RSPH9: variants seen among roughly 807,000 people sequenced by gnomAD.
The protein encoded by RSPH9 is radial spoke head component 9, also known as radial spoke head protein 9 homolog.
A neutral mutation model predicts 27.0 loss-of-function variants in RSPH9; 27 were observed. The observed-to-expected ratio is 1.00, with a 90% CI of 0.74 to 1.38. The LOEUF (loss-of-function observed/expected upper bound fraction) is 1.38, where lower values mean the gene tolerates loss of function less well. Ranked by LOEUF, RSPH9 falls within the 40% of genes most tolerant of loss-of-function variation. The pLI is 0.00. For missense variants in RSPH9, 347 were observed against 357.4 expected (o/e 0.97, Z 0.24); for synonymous variants, 145 against 147.7 (o/e 0.98, Z 0.13).
At chr6:43,668,583 C>A (rs1247859546) in intron 4 of RSPH9, among the ~76,000 whole-genome samples, 1 of 152,222 alleles carries the variant, frequency 6.6e-6, no homozygotes, top group Non-Finnish European at 1.5e-5. Context: ...CCTGCATTAT[C>A]TACTGGAGGC....
chr6:43,647,389 T>C (rs959885745), intron 1 of RSPH9, among the ~76,000 whole-genome samples: 10 of 152,124 alleles, frequency 6.6e-5, no homozygotes, highest in African/African-American at 9.7e-5. Context: ...GAAAGTGTGG[T>C]GAGCACTGTG....
At chr6:43,660,985 A>T (rs1490008224) in intron 4 of RSPH9, among the ~76,000 whole-genome samples, 1 of 152,182 alleles carries the variant, frequency 6.6e-6, no homozygotes, top group Admixed American at 6.5e-5. Context: ...ATCTCGTTGT[A>T]CATCTCCATC....
Position 43,645,165 on chromosome 6 carries a change from G to T in RSPH9, c.67G>T (p.Asp23Tyr). The T allele has an allele frequency of 1.2e-6, 2 of 1,613,682 alleles. No homozygotes were observed. Among genetic ancestry groups the T allele is most frequent in the South Asian group, 1.1e-5 (1 of 91,086 alleles). The change falls in exon 1 of 5, where the codon GAC becomes TAC. Residue 23 changes from aspartate to tyrosine, a missense_variant. Physicochemically the swap from Asp to Tyr is radical, Grantham distance 160 (BLOSUM62 -3). Transcript: ENST00000372163. ...ASGSGQGLSP[D>Y]RRASLLTSLM... ...CGGCAGTGGGCAGGGCCTCAGCCCGGACCGTCGGGCCTCGCTGCTCACGTC... is the reference window on the plus strand; with the variant it reads ...CGGCAGTGGGCAGGGCCTCAGCCCGTACCGTCGGGCCTCGCTGCTCACGTC...
chr6:43,655,500 C>A, intron 2 of RSPH9, 62 bp from the exon 3 acceptor site: 3 of 1,604,398 alleles, frequency 1.9e-6, no homozygotes, highest in South Asian at 1.1e-5. Context: ...TGCAGAGGGA[C>A]CTTGCGCCGG....
chr6:43,669,044 C>T (rs1773432598), intron 4 of RSPH9, among the ~76,000 whole-genome samples: 1 of 152,164 alleles, frequency 6.6e-6, no homozygotes, highest in South Asian at 2.1e-4. Flanking sequence ...CTCTCAAACT[C>T]TGAGGGCAGG....
rs752207744 is a variant in RSPH9 at position 43,645,161 on chromosome 6, C to A, written c.63C>A (p.Ser21Arg). Residue 21 changes from serine to arginine, a missense_variant, in exon 1 of 5, where the codon AGC becomes AGA. By Grantham distance (110) the Ser-to-Arg change is moderately radical (BLOSUM62 -1). Coordinates refer to ENST00000372163, the MANE Select transcript of RSPH9 (RefSeq NM_152732.5). ...ELASGSGQGL[S>R]PDRRASLLTS... is the part of the protein sequence containing the mutation. Reference sequence around the variant, plus strand: ...CGTCCGGCAGTGGGCAGGGCCTCAGCCCGGACCGTCGGGCCTCGCTGCTCA... The same window carrying A: ...CGTCCGGCAGTGGGCAGGGCCTCAGACCGGACCGTCGGGCCTCGCTGCTCA... 8 of 1,613,500 alleles carry A rather than the reference C, an allele frequency of 5.0e-6. No homozygotes were observed. Among genetic ancestry groups the A allele is most frequent in the Non-Finnish European group, 6.8e-6 (8 of 1,180,010 alleles).
At chr6:43,666,251 A>C (rs1289038425) in intron 4 of RSPH9, among the ~76,000 whole-genome samples, 1 of 152,184 alleles carries the variant, frequency 6.6e-6, no homozygotes, top group African/African-American at 2.4e-5. Context: ...TCAGCTAGGA[A>C]AAGAGCAGTC....
chr6:43,647,722 A>G (rs1012435967), intron 1 of RSPH9, among the ~76,000 whole-genome samples: 1 of 152,232 alleles, frequency 6.6e-6, no homozygotes, highest in African/African-American at 2.4e-5. Context: ...AATACAGAAG[A>G]AAAAGTTGAA....
intron 4 of RSPH9, among the ~76,000 whole-genome samples, chr6:43,662,448 G>A (rs547709608): frequency 4.6e-5 from 7 of 151,372 alleles, no homozygotes; most frequent in Non-Finnish European, 8.8e-5. Context: ...CTCACTGCAA[G>A]CTCTGCCTCC....
At chr6:43,650,068 C>A (rs1771290007) in intron 1 of RSPH9, among the ~76,000 whole-genome samples, 1 of 152,098 alleles carries the variant, frequency 6.6e-6, no homozygotes, top group African/African-American at 2.4e-5. Context: ...CATGTGCCAC[C>A]ATGCCCCGCT....
chr6:43,658,360 C>T (rs7767435), intron 4 of RSPH9, among the ~76,000 whole-genome samples: 39,919 of 149,244 alleles, frequency 0.27, 9,791 homozygotes, highest in African/African-American at 0.65. Context: ...GCAAATTTGG[C>T]TCCTGACCAC....
At chr6:43,648,275 A>G (rs1771096655) in intron 1 of RSPH9, among the ~76,000 whole-genome samples, 1 of 152,166 alleles carries the variant, frequency 6.6e-6, no homozygotes, top group Non-Finnish European at 1.5e-5. Flanking sequence ...GTCTCAAAAA[A>G]AAAAAAAAGA....
intron 2 of RSPH9, among the ~76,000 whole-genome samples, chr6:43,653,780 C>T (rs1430776335): frequency 6.6e-6 from 1 of 152,064 alleles, no homozygotes; most frequent in Non-Finnish European, 1.5e-5. Context: ...GCAACCTCCG[C>T]CTCCCGGATT....
chr6:43,661,347 C>G (rs1378520708), intron 4 of RSPH9, among the ~76,000 whole-genome samples: 1 of 152,140 alleles, frequency 6.6e-6, no homozygotes, highest in African/African-American at 2.4e-5. Flanking sequence ...CAGGCATTGA[C>G]TTCTCTTTAG....
rs111643012 is a variant in RSPH9 at position 43,656,708 on chromosome 6, C to T, written c.655C>T (p.His219Tyr). The T allele has an allele frequency of 7.4e-6, 12 of 1,614,112 alleles. No individual in the cohort carries two copies. The South Asian group carries it at 1.3e-4, about 18-fold the overall frequency. ...CCTGGATTTCATGGACTCCTTGGAG[C>T]ATGACATTCCCAAAGGTAATAGTCC... ...PSLDFMDSLE[H>Y]DIPKGSWSIQ... Residue 219 changes from histidine to tyrosine, a missense_variant, in exon 4 of 5, where the codon CAT becomes TAT. His to Tyr is a moderately conservative substitution (Grantham distance 83, BLOSUM62 2). Coordinates refer to ENST00000372163, the MANE Select transcript of RSPH9 (RefSeq NM_152732.5).
At chr6:43,650,603 C>A in intron 2 of RSPH9, 63 bp downstream of exon 2, 1 of 1,583,212 alleles carries the variant, frequency 6.3e-7, no homozygotes, top group Non-Finnish European at 8.7e-7. Context: ...CAAAACCCAG[C>A]CTAATAGAAA....
At chr6:43,657,907 G>GGAGA (rs762201389) in intron 4 of RSPH9, among the ~76,000 whole-genome samples, 1 of 152,202 alleles carries the variant, frequency 6.6e-6, no homozygotes, top group African/African-American at 2.4e-5. Flanking sequence ...GTCAGGCCTG[G>GGAGA]TGAGTATTTG....
rs749621988 is a variant in RSPH9, at chr6:43,645,288, A to G, written c.190A>G (p.Ser64Gly). The G allele has an allele frequency of 6.4e-7, 1 of 1,574,668 alleles. No homozygotes were observed. The highest frequency in any genetic ancestry group is 8.6e-7 in the Non-Finnish European group (1 of 1,157,006). The stretch of plus-strand genomic sequence containing the variant: ...CGATTACTACATCGCGCAGGGCCTG[A>G]GTGAGGACCAGCTCGCACCGCGCAA... ...VADYYIAQGL[S>G]EDQLAPRKTL... is the part of the protein sequence containing the mutation. The change falls in exon 1 of 5, where the codon AGT (serine) becomes GGT (glycine). Residue 64 changes from serine (S) to glycine (G), a missense_variant. Coordinates refer to ENST00000372163, the MANE Select transcript of RSPH9 (RefSeq NM_152732.5).
chr6:43,655,660 T>C lies in RSPH9; in HGVS notation c.492T>C (p.Phe164=), dbSNP rs1771925212. The C allele has an allele frequency of 6.2e-7, 1 of 1,614,232 alleles. No homozygotes were observed. Among genetic ancestry groups the C allele is most frequent in the Non-Finnish European group, 8.5e-7 (1 of 1,180,044 alleles). Residue 164 remains phenylalanine (F), a synonymous_variant, in exon 3 of 5, where the codon TTT becomes TTC. Transcript: ENST00000372163. The part of the protein sequence containing the change: ...IPRGALFKTP[F]GPTHVNRTFE... ...GAGGCGCCCTCTTCAAGACCCCTTT[T>C]GGACCCACCCATGTCAATCGGACCT...
Sources: allele counts gnomAD v4.1 joint callset (sites outside exome capture counted in the v4.1 genomes callset), GRCh38; gene constraint gnomAD v4.1.1; transcripts MANE v1.5; gene names NCBI Gene and HGNC (gene_info 2026-07-23, HGNC 2026-07-21).